Variants in TENM2 observed in about 807,000 individuals in gnomAD.
The protein encoded by TENM2 is teneurin transmembrane protein 2.
TENM2 carries 52 observed loss-of-function variants against 245.2 expected under a neutral mutation model. That is an observed-to-expected ratio of 0.21 (90% CI 0.17 to 0.27). The LOEUF (loss-of-function observed/expected upper bound fraction) is 0.27. TENM2 is among the 10% of genes least tolerant of loss of function. The probability of loss-of-function intolerance (pLI) is 1.00; values close to 1 mark genes in which losing one functional copy is unlikely to be tolerated. For synonymous variants in TENM2, 1,363 were observed against 1,438.9 expected, an observed-to-expected ratio of 0.95 and a Z score of 1.19; for missense variants, 3,046 against 3,666.8, an observed-to-expected ratio of 0.83 and a Z score of 4.37.
At chr5:167,639,637 A>G (rs1027660412) in intron 2 of TENM2, among the ~76,000 whole-genome samples, 2 of 152,124 alleles carry the variant, frequency 1.3e-5, no homozygotes, top group African/African-American at 2.4e-5. Flanking sequence ...AAAGGGGTCC[A>G]CTCAGATATC....
At chr5:167,006,979 A>G in the TENM2 span, among the ~76,000 whole-genome samples, 3 of 152,134 alleles carry the variant, frequency 2.0e-5, no homozygotes, top group Non-Finnish European at 4.4e-5. Flanking sequence ...CCCACATTCC[A>G]TCTTTTAGCC....
intron 2 of TENM2, among the ~76,000 whole-genome samples, chr5:167,776,569 TG>T (rs1763792548): frequency 8.4e-6 from 1 of 118,444 alleles, no homozygotes; most frequent in African/African-American, 3.4e-5. Flanking sequence ...CACTCCAGCT[TG>T]GGCAGCAGAT....
intron 1 of TENM2, among the ~76,000 whole-genome samples, chr5:167,305,381 C>G (rs898956780): frequency 6.6e-6 from 1 of 152,180 alleles, no homozygotes; most frequent in African/African-American, 2.4e-5. Context: ...CCTATAAGCA[C>G]CCACCTTGCA....
At chr5:167,004,895 A>G in the TENM2 span, among the ~76,000 whole-genome samples, 2 of 152,186 alleles carry the variant, frequency 1.3e-5, no homozygotes, top group African/African-American at 2.4e-5. Flanking sequence ...ATAAGCATTC[A>G]GGCTAACCCT....
At chr5:167,957,596 C>T (rs1780663209) in intron 4 of TENM2, among the ~76,000 whole-genome samples, 1 of 152,292 alleles carries the variant, frequency 6.6e-6, no homozygotes, top group African/African-American at 2.4e-5. Flanking sequence ...TTCCTGCTTT[C>T]TCCTATGGGC....
At chr5:168,248,083 A>G (rs1766755674) in exon 27 of TENM2, 1 of 1,613,954 alleles carries the variant, frequency 6.2e-7, no homozygotes, top group East Asian at 2.2e-5. Context: ...GTTCAGCATC[A>G]ACGGCCTCAT....
intron 2 of TENM2, among the ~76,000 whole-genome samples, chr5:167,658,180 A>G (rs1394844735): frequency 6.6e-6 from 1 of 151,248 alleles, no homozygotes; most frequent in Admixed American, 6.6e-5. Flanking sequence ...CACATGGCAG[A>G]TGGCAGAAAG....
At chr5:167,052,762 T>C in the TENM2 span, among the ~76,000 whole-genome samples, 1 of 151,748 alleles carries the variant, frequency 6.6e-6, no homozygotes, top group Non-Finnish European at 1.5e-5. Context: ...AAGATATGAG[T>C]TTTCTTTTTT....
In TENM2 at chr5:168,244,371, G is replaced by A. The variant is rs375807163; in HGVS notation, c.5521-49G>A. 44 of 1,414,722 alleles carry A rather than the reference G, an allele frequency of 3.1e-5. No individual in the cohort carries two copies. Among genetic ancestry groups the A allele is most frequent in the Middle Eastern group, 1.9e-4 (1 of 5,300 alleles). 87.6% of individuals were successfully genotyped at this position (1,414,722 alleles called of 1,614,324 possible). On this transcript the variant is annotated intron_variant, in intron 25 of 28. Transcript: ENST00000518659. The surrounding 1 kb of genome is among the most constrained non-coding windows in gnomAD (Gnocchi z 4.9). ...CATGTCCTCCACAGAAGCCTGAGCCGGCATGCCTGGGTGATGTCTTTCAAA... is the reference window on the plus strand; with the variant it reads ...CATGTCCTCCACAGAAGCCTGAGCCAGCATGCCTGGGTGATGTCTTTCAAA...
At chr5:167,541,086 A>G (rs1399773190) in intron 2 of TENM2, among the ~76,000 whole-genome samples, 1 of 152,160 alleles carries the variant, frequency 6.6e-6, no homozygotes, top group Non-Finnish European at 1.5e-5. Context: ...AACTAAAATG[A>G]TCTCACTAGA....
At chr5:167,172,375 A>AT in the TENM2 span, among the ~76,000 whole-genome samples, 7 of 152,114 alleles carry the variant, frequency 4.6e-5, no homozygotes, top group Non-Finnish European at 1.0e-4. Flanking sequence ...ATCTCCAACA[A>AT]TTGTTCTCAG....
At chr5:167,899,489 C>T (rs1389782300) in intron 3 of TENM2, among the ~76,000 whole-genome samples, 1 of 152,216 alleles carries the variant, frequency 6.6e-6, no homozygotes, top group Non-Finnish European at 1.5e-5. Flanking sequence ...AAGTGCCTTG[C>T]GTTAATTCAA....
chr5:167,199,077 A>G, the TENM2 span, among the ~76,000 whole-genome samples: 1 of 147,462 alleles, frequency 6.8e-6, no homozygotes, highest in Non-Finnish European at 1.5e-5. Flanking sequence ...CTCCAAGGGC[A>G]GTCACTAGCT....
rs149533207 is a variant in TENM2, at chr5:168,218,412, C to A, written c.4521C>A (p.Asn1507Lys). ...ACCGTCTACGCCAGGTAACAACCAA[C>A]GGGGAGATCTGCCTTTTAGCTGGGG... Residue 1507 changes from asparagine (N) to lysine (K), a missense_variant, in exon 23 of 29, where the codon AAC becomes AAA. Asn to Lys is a moderately conservative substitution (Grantham distance 94, BLOSUM62 0). Transcript: ENST00000518659. This position sits in a 1 kb window ranked among gnomAD's most constrained non-coding sequence, Gnocchi z 5.2. 3.1e-6 allele frequency: 5 copies of A among 1,614,018 alleles called. No individual in the cohort carries two copies. The highest frequency in any genetic ancestry group is 3.4e-6 in the Non-Finnish European group (4 of 1,179,896).
chr5:168,120,739 G>A (rs1488818062), intron 10 of TENM2, among the ~76,000 whole-genome samples: 1 of 152,200 alleles, frequency 6.6e-6, no homozygotes, highest in Non-Finnish European at 1.5e-5. Context: ...AATGGAATCA[G>A]AAAGTCTGGA....
chr5:167,198,398 C>A, the TENM2 span, among the ~76,000 whole-genome samples: 1 of 152,094 alleles, frequency 6.6e-6, no homozygotes. Context: ...AAGCCTTGAG[C>A]AGCCAGCTTA....
chr5:168,063,407 A>C (rs1790216425), intron 7 of TENM2, among the ~76,000 whole-genome samples: 2 of 152,140 alleles, frequency 1.3e-5, no homozygotes, highest in African/African-American at 4.8e-5. Flanking sequence ...ATTAACACCT[A>C]CCTAGTTTGG....
the TENM2 span, among the ~76,000 whole-genome samples, chr5:167,169,351 G>C: frequency 6.6e-6 from 1 of 152,140 alleles, no homozygotes; most frequent in Non-Finnish European, 1.5e-5. Context: ...CCATGTAAAG[G>C]TTGTGCTTCA....
At chr5:167,855,938 G>A (rs988111438) in intron 2 of TENM2, among the ~76,000 whole-genome samples, 18 of 148,440 alleles carry the variant, frequency 1.2e-4, no homozygotes, top group Non-Finnish European at 1.8e-4. Flanking sequence ...AGGGAGGAAA[G>A]AAAGAAGGGA....
Sources: allele counts gnomAD v4.1 joint callset (sites outside exome capture counted in the v4.1 genomes callset), GRCh38; gene constraint gnomAD v4.1.1; non-coding constraint Gnocchi (gnomAD v3.1); transcripts MANE v1.5; gene names NCBI Gene and HGNC (gene_info 2026-07-23, HGNC 2026-07-21).